LRP1B: variants seen among roughly 807,000 people sequenced by gnomAD.
LRP1B encodes the protein LDL receptor related protein 1B.
LRP1B carries 217 observed loss-of-function variants against 556.6 expected under a neutral mutation model. That is an observed-to-expected ratio of 0.39 (90% CI 0.35 to 0.44). The LOEUF is 0.44. Ranked by LOEUF, LRP1B falls within the 20% of genes least tolerant of loss-of-function variation. The pLI, the probability that LRP1B is intolerant of heterozygous loss-of-function variation, is 1.00. For missense variants in LRP1B, 5,053 were observed against 5,620.8 expected (o/e 0.90, Z 3.23); for synonymous variants, 2,047 against 1,865.8 (o/e 1.10, Z -2.50).
chr2:140,404,806 TAAAC>T (rs1194956154), intron 66 of LRP1B, among the ~76,000 whole-genome samples: 2 of 152,140 alleles, frequency 1.3e-5, no homozygotes, highest in East Asian at 3.9e-4. Context: ...AAAACAGACT[TAAAC>T]AAATACTAAA....
At chr2:141,153,125 T>C (rs757944421) in intron 7 of LRP1B, among the ~76,000 whole-genome samples, 9 of 147,868 alleles carry the variant, frequency 6.1e-5, no homozygotes, top group African/African-American at 2.2e-4. Flanking sequence ...TTTAAATTTG[T>C]AGATTTCTTC....
intron 84 of LRP1B, among the ~76,000 whole-genome samples, chr2:140,275,799 G>C (rs1484525638): frequency 6.6e-6 from 1 of 151,894 alleles, no homozygotes; most frequent in Non-Finnish European, 1.5e-5. Flanking sequence ...TTCTCATTGA[G>C]CGTCACAGAC....
At chr2:141,704,681 A>G (rs1044935940) in intron 2 of LRP1B, among the ~76,000 whole-genome samples, 4 of 151,948 alleles carry the variant, frequency 2.6e-5, no homozygotes, top group African/African-American at 9.7e-5. Flanking sequence ...GATGCCTGAA[A>G]GCATCTGATT....
At chr2:140,864,537 G>A (rs1326507167) in intron 27 of LRP1B, among the ~76,000 whole-genome samples, 1 of 151,902 alleles carries the variant, frequency 6.6e-6, no homozygotes, top group Non-Finnish European at 1.5e-5. Context: ...ATATTACAAA[G>A]TCATAATCAC....
intron 2 of LRP1B, among the ~76,000 whole-genome samples, chr2:141,563,469 A>G (rs937592152): frequency 5.3e-5 from 8 of 152,004 alleles, no homozygotes; most frequent in African/African-American, 1.7e-4. Flanking sequence ...GAGAAACATT[A>G]ATTAGGGAAG....
intron 37 of LRP1B, among the ~76,000 whole-genome samples, chr2:140,705,639 C>A (rs1026180891): frequency 4.7e-5 from 7 of 149,482 alleles, no homozygotes; most frequent in Admixed American, 6.7e-5. Context: ...TTCCAAGTAA[C>A]CCCTATTCAT....
At chr2:141,944,726 A>G (rs1427246095) in intron 1 of LRP1B, among the ~76,000 whole-genome samples, 1 of 152,202 alleles carries the variant, frequency 6.6e-6, no homozygotes, top group African/African-American at 2.4e-5. Context: ...GACCAGGACT[A>G]AAAAATGAGA....
chr2:140,594,236 C>T (rs1462473808), intron 43 of LRP1B, among the ~76,000 whole-genome samples: 1 of 152,134 alleles, frequency 6.6e-6, no homozygotes, highest in Non-Finnish European at 1.5e-5. Context: ...TCCCAAAGCT[C>T]TGGGATAACA....
chr2:140,836,434 G>A (rs1469385746), intron 31 of LRP1B, among the ~76,000 whole-genome samples: 1 of 152,182 alleles, frequency 6.6e-6, no homozygotes, highest in East Asian at 1.9e-4. Flanking sequence ...AATGTTTTAT[G>A]TGTATGTGAA....
chr2:140,939,341 G>A (rs903858806), intron 20 of LRP1B, among the ~76,000 whole-genome samples: 2 of 151,736 alleles, frequency 1.3e-5, no homozygotes, highest in Non-Finnish European at 2.9e-5. Flanking sequence ...AGCCAAAGGA[G>A]AAGTTTCCAA....
rs1692049151 is a variant in LRP1B, at chr2:140,839,997, G to A, written c.5203C>T (p.Pro1735Ser). 1 of 1,604,224 alleles carries A rather than the reference G, an allele frequency of 6.2e-7. No individual in the cohort carries two copies. Among genetic ancestry groups the A allele is most frequent in the African/African-American group, 1.3e-5 (1 of 74,508 alleles). Residue 1735 changes from proline (P) to serine (S), a missense_variant, in exon 31 of 91, where the codon CCA becomes TCA. Transcript: ENST00000389484. ...SKILFQNQKEPVGLSIDYVEN... is the reference protein window; with the variant it reads ...SKILFQNQKESVGLSIDYVEN... ...TATTAAAAAAAATACTTACCAACTG[G>A]CTCCTTCTGATTCTGAAACAGAATC...
chr2:141,977,801 G>A (rs1701928004), intron 1 of LRP1B, among the ~76,000 whole-genome samples: 1 of 151,970 alleles, frequency 6.6e-6, no homozygotes, highest in Non-Finnish European at 1.5e-5. Context: ...ACAGTGTGAA[G>A]TGAAAAATAG....
At chr2:141,013,149 A>G (rs1697803539) in intron 14 of LRP1B, among the ~76,000 whole-genome samples, 1 of 152,006 alleles carries the variant, frequency 6.6e-6, no homozygotes, top group African/African-American at 2.4e-5. Context: ...CTTTTAAAAA[A>G]TAACATTTTT....
rs138873664 is a variant in LRP1B, at chr2:140,761,253, G to A, written c.5758+7960C>T. ...CCAGAATATAGAAGCTGTCCATACA[G>A]GAACATCACTGATATTTCAAACCTG... On this transcript the variant is annotated intron_variant, in intron 35 of 90. Transcript: ENST00000389484. 1.9e-4 allele frequency among the ~76,000 whole-genome samples: 29 copies of A among 152,218 alleles called. No homozygotes were observed. The East Asian group carries it at 5.4e-3, about 28-fold the overall frequency.
At chr2:140,464,851 A>G (rs1687476632) in intron 60 of LRP1B, among the ~76,000 whole-genome samples, 1 of 152,194 alleles carries the variant, frequency 6.6e-6, no homozygotes, top group African/African-American at 2.4e-5. Context: ...GACACATATC[A>G]AGTATAGTTG....
chr2:141,740,844 A>G (rs1219218653), intron 2 of LRP1B, among the ~76,000 whole-genome samples: 1 of 152,098 alleles, frequency 6.6e-6, no homozygotes, highest in Non-Finnish European at 1.5e-5. Context: ...ATCAGATTGA[A>G]AATGTGGAGG....
intron 41 of LRP1B, among the ~76,000 whole-genome samples, chr2:140,646,802 A>T (rs1684501259): frequency 6.6e-6 from 1 of 152,118 alleles, no homozygotes; most frequent in East Asian, 1.9e-4. Flanking sequence ...GAGCAAATAC[A>T]TACATATGTG....
At chr2:142,014,889 C>A (rs1198302214) in intron 1 of LRP1B, among the ~76,000 whole-genome samples, 1 of 151,922 alleles carries the variant, frequency 6.6e-6, no homozygotes, top group African/African-American at 2.4e-5. Flanking sequence ...ATTCACTGAC[C>A]CCTGGTGAAA....
chr2:141,117,920 C>A (rs1171061975), intron 7 of LRP1B, among the ~76,000 whole-genome samples: 1 of 151,868 alleles, frequency 6.6e-6, no homozygotes, highest in African/African-American at 2.4e-5. Flanking sequence ...TTAGACTTCC[C>A]TTGGATGTCT....
Sources: gnomAD v4.1 joint callset for allele counts (sites outside exome capture counted in the v4.1 genomes callset) on GRCh38, gnomAD v4.1.1 for gene constraint, MANE v1.5 for transcripts, NCBI Gene and HGNC (gene_info 2026-07-23, HGNC 2026-07-21) for gene names.